Variants in JAG2 observed in about 807,000 individuals in gnomAD.
JAG2 encodes the protein jagged canonical Notch ligand 2.
Under a neutral mutation model 141.7 loss-of-function variants are expected in JAG2, and 46 were observed. The observed-to-expected ratio is 0.32, with a 90% CI of 0.26 to 0.42. The LOEUF is 0.42. JAG2 is among the 10% of genes least tolerant of loss of function. The pLI is 1.00. For synonymous variants in JAG2, 862 were observed against 763.5 expected, an observed-to-expected ratio of 1.13 and a Z score of -2.13; for missense variants, 1,500 against 1,817.5, an observed-to-expected ratio of 0.83 and a Z score of 3.18.
chr14:105,156,955 G>C (rs1368580590), intron 3 of JAG2, among the ~76,000 whole-genome samples: 1 of 151,998 alleles, frequency 6.6e-6, no homozygotes, highest in Non-Finnish European at 1.5e-5. Context: ...CCTCCACTCT[G>C]CTGGCAGCCA....
intron 22 of JAG2, 111 bp from the exon 23 acceptor site, chr14:105,146,084 C>T (rs1209698255): frequency 1.9e-5 from 28 of 1,499,046 alleles, no homozygotes; most frequent in African/African-American, 1.4e-4. Flanking sequence ...GGAGGGACAC[C>T]GCCCAAGTCT....
intron 24 of JAG2, among the ~76,000 whole-genome samples, chr14:105,144,077 G>A (rs1167926044): frequency 3.3e-5 from 5 of 150,136 alleles, no homozygotes; most frequent in Admixed American, 1.3e-4. Context: ...TGGGGACCTC[G>A]CCACCAGGCA....
At chr14:105,152,842 G>A (rs1309183911) in intron 5 of JAG2, among the ~76,000 whole-genome samples, 1 of 152,140 alleles carries the variant, frequency 6.6e-6, no homozygotes, top group Admixed American at 6.5e-5. Context: ...GCTGGCCTGG[G>A]CCAGCCCTGC....
intron 5 of JAG2, among the ~76,000 whole-genome samples, chr14:105,152,930 G>C (rs1481584185): frequency 3.3e-5 from 5 of 152,154 alleles, no homozygotes; most frequent in Admixed American, 3.3e-4. Context: ...ACCAGGACTC[G>C]CCCTGCCCCA....
chr14:105,143,657 T>C lies in JAG2; in HGVS notation c.3085-19A>G. 6.2e-7 allele frequency: 1 copy of C among 1,604,748 alleles called. No homozygotes were observed. The highest frequency in any genetic ancestry group is 1.3e-5 in the African/African-American group (1 of 74,994). On this transcript the variant is annotated intron_variant, in intron 24 of 25. Transcript: ENST00000331782. ...TGAAGGACTGCGGCAAAGAACGGCA[T>C]TGTGGGGATGGCTCGAGGGCTCCAG...
chr14:105,150,138 G>A (rs1198972186), intron 12 of JAG2, among the ~76,000 whole-genome samples: 18 of 146,554 alleles, frequency 1.2e-4, no homozygotes, highest in African/African-American at 4.1e-4. Context: ...GGGAGGTTGG[G>A]GGAGGGGGTC....
intron 2 of JAG2, among the ~76,000 whole-genome samples, chr14:105,162,743 A>G (rs1888791564): frequency 1.7e-5 from 1 of 58,986 alleles, no homozygotes; most frequent in African/African-American, 6.2e-5. Flanking sequence ...AGTACACCCC[A>G]CAGCCTTGTG....
In JAG2 at chr14:105,167,680, G is replaced by A. The variant is rs911451682; in HGVS notation, c.417+77C>T. The stretch of plus-strand genomic sequence containing the variant: ...GCACGCAGACCCGGCCGCAGGTGTT[G>A]GGGGTCGCGAAGCGCGCGGGGCCGG... On this transcript the variant is annotated intron_variant, in intron 2 of 25. Transcript: ENST00000331782. This position sits in a 1 kb window ranked among gnomAD's most constrained non-coding sequence, Gnocchi z 4.8. 1 of 1,306,170 alleles carries A rather than the reference G, an allele frequency of 7.7e-7. No individual in the cohort carries two copies. 80.9% of individuals were successfully genotyped at this position (1,306,170 alleles called of 1,614,324 possible). A position where few individuals can be genotyped will look rare whatever the true frequency, so the allele number is the denominator to read the frequency against.
In JAG2 at chr14:105,157,694, G is replaced by T; in HGVS notation, c.475+12C>A. The T allele has an allele frequency of 6.4e-7, 1 of 1,555,924 alleles. No homozygotes were observed. The highest frequency in any genetic ancestry group is 1.2e-5 in the South Asian group (1 of 84,310). On this transcript the variant is annotated intron_variant, in intron 3 of 25. Transcript: ENST00000331782. ...CTGAGAGGAGCTGCCACCTGGCCCA[G>T]GGCTCACTCACCATTCGGGGTGGTA...
In JAG2 at chr14:105,148,815, T is replaced by A. The variant is rs587757658; in HGVS notation, c.1950A>T (p.Thr650=). ...CLGQPCRNGG[T]CIDEVDAFRC... ...GGAAGGCGTCCACCTCATCGATGCATGTGCCCCCATTGCGGCAGGGCTGGC... is the reference window on the plus strand; with the variant it reads ...GGAAGGCGTCCACCTCATCGATGCAAGTGCCCCCATTGCGGCAGGGCTGGC... Residue 650 remains threonine (T), a synonymous_variant, in exon 15 of 26, where the codon ACA becomes ACT. Coordinates refer to ENST00000331782, the MANE Select transcript of JAG2 (RefSeq NM_002226.5). The A allele has an allele frequency of 6.3e-7, 1 of 1,599,482 alleles. No homozygotes were observed. The highest frequency in any genetic ancestry group is 1.1e-5 in the South Asian group (1 of 88,790).
chr14:105,148,454 GC>G lies in JAG2; in HGVS notation c.2021-16del, dbSNP rs761283203. The G allele has an allele frequency of 6.3e-7, 1 of 1,596,606 alleles. No individual in the cohort carries two copies. The highest frequency in any genetic ancestry group is 1.3e-5 in the African/African-American group (1 of 74,560). ...GTCGTTGGGATCTGGGGGCGAGGAC[GC>G]CGGTCAGCGGGCGGGGGGTCACCGG... On this transcript the variant is annotated splice_polypyrimidine_tract_variant and intron_variant, in intron 15 of 25. Transcript: ENST00000331782.
intron 2 of JAG2, among the ~76,000 whole-genome samples, chr14:105,160,847 G>A (rs1486193123): frequency 6.6e-6 from 1 of 150,542 alleles, no homozygotes; most frequent in Non-Finnish European, 1.5e-5. Context: ...TGGGCAACGA[G>A]GGCAAAACTC....
chr14:105,161,758 C>T (rs1029884351), intron 2 of JAG2, among the ~76,000 whole-genome samples: 17 of 152,204 alleles, frequency 1.1e-4, no homozygotes, highest in Non-Finnish European at 2.2e-4. Context: ...CCCCGTCCTT[C>T]CAGGACTCAG....
At chr14:105,165,234 G>A (rs1402238436) in intron 2 of JAG2, among the ~76,000 whole-genome samples, 2 of 152,098 alleles carry the variant, frequency 1.3e-5, no homozygotes, top group Non-Finnish European at 2.9e-5. Flanking sequence ...GTGTCCCCTG[G>A]GCCTGCCACC....
chr14:105,151,785 G>C, intron 7 of JAG2, 46 bp from the exon 8 acceptor site: 1 of 1,599,356 alleles, frequency 6.3e-7, no homozygotes, highest in South Asian at 1.1e-5. Context: ...CAGGCCCCCA[G>C]CTTTCCACAA....
chr14:105,143,668 G>C, intron 24 of JAG2, 30 bp from the exon 25 acceptor site: 2 of 1,600,800 alleles, frequency 1.2e-6, no homozygotes, highest in South Asian at 1.1e-5. Context: ...TGTGGGGATG[G>C]CTCGAGGGCT....
At chr14:105,143,728 A>G in intron 24 of JAG2, 90 bp from the exon 25 acceptor site, 3 of 1,521,488 alleles carry the variant, frequency 2.0e-6, no homozygotes, top group South Asian at 1.2e-5. Flanking sequence ...GCCACACTGG[A>G]GCAAGGTGGG....
rs139004148 is a variant in JAG2, at chr14:105,155,880, G to A, written c.585C>T (p.Arg195=). The A allele has an allele frequency of 1.7e-5, 28 of 1,612,060 alleles. No individual in the cohort carries two copies. The highest frequency in any genetic ancestry group is 1.6e-4 in the Middle Eastern group (1 of 6,084). Residue 195 remains arginine (R), a synonymous_variant, in exon 4 of 26, where the codon CGC becomes CGT. Transcript: ENST00000331782. ...TGTAGTAGTTCTCGTCGCAGCGCAC[G>A]CGGATCTGCAGCTCCAGGTGCGCCA... is the stretch of plus-strand genomic sequence containing the variant. ...GHVAHLELQI[R]VRCDENYYSA...
chr14:105,142,574 G>C lies in JAG2; in HGVS notation c.*121C>G. 1 of 701,136 alleles carries C rather than the reference G, an allele frequency of 1.4e-6. No individual in the cohort carries two copies. Among genetic ancestry groups the C allele is most frequent in the Non-Finnish European group, 2.4e-6 (1 of 424,170 alleles). The allele number at this position is 701,136 out of a possible 1,614,324, so 43.4% of individuals were successfully genotyped here. On this transcript the variant is annotated 3_prime_UTR_variant, in exon 26 of 26. Coordinates refer to ENST00000331782, the MANE Select transcript of JAG2 (RefSeq NM_002226.5). ...CGTAGAAAATAAACATTTGGTTTTT[G>C]TTTTTGGTGGTTTTTTTACACAAAA... is the stretch of plus-strand genomic sequence containing the variant.
Sources: gnomAD v4.1 joint callset for allele counts (sites outside exome capture counted in the v4.1 genomes callset) on GRCh38, gnomAD v4.1.1 for gene constraint, Gnocchi (gnomAD v3.1) non-coding constraint, MANE v1.5 for transcripts, NCBI Gene and HGNC (gene_info 2026-07-23, HGNC 2026-07-21) for gene names.